The following HS3ST4 variants were observed in gnomAD, a reference collection of about 807,000 sequenced individuals.
HS3ST4 encodes the protein heparan sulfate glucosamine 3-O-sulfotransferase 4.
In HS3ST4, 17 loss-of-function variants were observed where a neutral mutation model predicts 29.2. The observed-to-expected ratio is 0.58, with a 90% CI of 0.40 to 0.87. The LOEUF (loss-of-function observed/expected upper bound fraction) is 0.87. Ranked by LOEUF, HS3ST4 falls within the 40% of genes least tolerant of loss-of-function variation. The pLI is 0.00. For synonymous variants in HS3ST4, 314 were observed against 285.7 expected (o/e 1.10, Z -1.00); for missense variants, 627 against 634.5 (o/e 0.99, Z 0.13).
At chr16:26,048,141 C>T (rs1321801918) in intron 1 of HS3ST4, among the ~76,000 whole-genome samples, 1 of 152,210 alleles carries the variant, frequency 6.6e-6, no homozygotes, top group African/African-American at 2.4e-5. Context: ...GTGTCTTCAT[C>T]TCCTCTTCTG....
intron 1 of HS3ST4, among the ~76,000 whole-genome samples, chr16:25,786,572 A>G (rs1049045132): frequency 1.4e-4 from 22 of 152,154 alleles, no homozygotes; most frequent in African/African-American, 5.1e-4. Flanking sequence ...TTACCCTTTC[A>G]CTATATCCCA....
intron 1 of HS3ST4, among the ~76,000 whole-genome samples, chr16:25,999,311 A>G (rs1969184484): frequency 6.6e-6 from 1 of 152,106 alleles, no homozygotes; most frequent in Non-Finnish European, 1.5e-5. Context: ...TGACTTGAGA[A>G]TGGGGTGGGT....
intron 1 of HS3ST4, among the ~76,000 whole-genome samples, chr16:26,110,294 C>T (rs1567314302): frequency 1.3e-5 from 2 of 152,070 alleles, no homozygotes; most frequent in Non-Finnish European, 2.9e-5. Context: ...ACATACATCA[C>T]ATTTTCTTTA....
chr16:26,054,558 A>G (rs927425327), intron 1 of HS3ST4, among the ~76,000 whole-genome samples: 4 of 152,182 alleles, frequency 2.6e-5, no homozygotes, highest in South Asian at 2.1e-4. Flanking sequence ...TTTGAGAACA[A>G]TTGGTCCGAA....
intron 1 of HS3ST4, among the ~76,000 whole-genome samples, chr16:25,777,412 AGTGTGTGTGTGT>A (rs56191219): frequency 1.6e-4 from 23 of 147,986 alleles, no homozygotes; most frequent in African/African-American, 2.2e-4. Context: ...AGCACACCAA[AGTGTGTGTGTGT>A]GTGTGTGTGT....
intron 1 of HS3ST4, among the ~76,000 whole-genome samples, chr16:25,783,337 T>TA (rs1261637364): frequency 2.0e-5 from 3 of 152,222 alleles, no homozygotes; most frequent in African/African-American, 7.2e-5. Context: ...CCCATATCTC[T>TA]AGTTTTTGCA....
chr16:25,809,886 G>C (rs1967025132), intron 1 of HS3ST4, among the ~76,000 whole-genome samples: 1 of 151,836 alleles, frequency 6.6e-6, no homozygotes, highest in African/African-American at 2.4e-5. Context: ...TTATTTTGTA[G>C]GTTTTGCTAT....
chr16:25,909,117 C>T (rs1454314412), intron 1 of HS3ST4, among the ~76,000 whole-genome samples: 1 of 152,198 alleles, frequency 6.6e-6, no homozygotes, highest in Non-Finnish European at 1.5e-5. Flanking sequence ...CACTAGTCGC[C>T]TAGGGATGTT....
At chr16:25,998,455 T>C (rs1969176233) in intron 1 of HS3ST4, among the ~76,000 whole-genome samples, 1 of 152,216 alleles carries the variant, frequency 6.6e-6, no homozygotes, top group Non-Finnish European at 1.5e-5. Flanking sequence ...AGTTAGTCGT[T>C]GAATAGCTGT....
At chr16:25,971,311 G>A (rs1968894800) in intron 1 of HS3ST4, among the ~76,000 whole-genome samples, 1 of 152,202 alleles carries the variant, frequency 6.6e-6, no homozygotes, top group Admixed American at 6.5e-5. Flanking sequence ...TCTGATGGAA[G>A]CCTGCTTCAA....
intron 1 of HS3ST4, among the ~76,000 whole-genome samples, chr16:25,852,789 TC>T (rs1248961866): frequency 6.6e-6 from 1 of 152,192 alleles, no homozygotes; most frequent in African/African-American, 2.4e-5. Flanking sequence ...ATTTCATCAT[TC>T]TAAGATTATA....
At chr16:25,699,759 G>C (rs1296273070) in intron 1 of HS3ST4, among the ~76,000 whole-genome samples, 1 of 152,238 alleles carries the variant, frequency 6.6e-6, no homozygotes, top group Non-Finnish European at 1.5e-5. Context: ...TGTTTTGTAT[G>C]TCTGAGCCAG....
intron 1 of HS3ST4, among the ~76,000 whole-genome samples, chr16:25,762,278 A>G (rs1003545193): frequency 2.0e-5 from 3 of 152,184 alleles, no homozygotes; most frequent in African/African-American, 7.2e-5. Flanking sequence ...ACACCCAGGT[A>G]CTTGGGAGAG....
At chr16:25,730,201 T>G (rs1253449511) in intron 1 of HS3ST4, among the ~76,000 whole-genome samples, 2 of 152,172 alleles carry the variant, frequency 1.3e-5, no homozygotes, top group African/African-American at 2.4e-5. Context: ...TTTTTATCTA[T>G]TTTTGGTGTT....
At chr16:26,064,024 C>T (rs1208412760) in intron 1 of HS3ST4, among the ~76,000 whole-genome samples, 1 of 152,056 alleles carries the variant, frequency 6.6e-6, no homozygotes, top group Non-Finnish European at 1.5e-5. Flanking sequence ...CTTAGGGAGT[C>T]GATTAGGTTT....
At chr16:25,834,821 C>T (rs1245016271) in intron 1 of HS3ST4, among the ~76,000 whole-genome samples, 3 of 152,092 alleles carry the variant, frequency 2.0e-5, no homozygotes, top group Non-Finnish European at 4.4e-5. Context: ...GGGGCACGTG[C>T]CTGTAATCAC....
intron 1 of HS3ST4, among the ~76,000 whole-genome samples, chr16:25,746,937 C>T (rs1027981871): frequency 6.6e-6 from 1 of 152,180 alleles, no homozygotes; most frequent in Non-Finnish European, 1.5e-5. Context: ...AAGCCTGGAA[C>T]TCCAGGGCTC....
At chr16:25,958,090 A>C (rs1968755076) in intron 1 of HS3ST4, among the ~76,000 whole-genome samples, 1 of 152,166 alleles carries the variant, frequency 6.6e-6, no homozygotes, top group African/African-American at 2.4e-5. Flanking sequence ...TGTGCCAACC[A>C]CTGTTCTAGA....
At chr16:25,744,539 G>C (rs972595560) in intron 1 of HS3ST4, among the ~76,000 whole-genome samples, 13 of 145,556 alleles carry the variant, frequency 8.9e-5, no homozygotes, top group African/African-American at 2.4e-4. Flanking sequence ...GTGTAACATG[G>C]TCTGTCATTT....
Sources: allele counts gnomAD v4.1 joint callset (sites outside exome capture counted in the v4.1 genomes callset), GRCh38; gene constraint gnomAD v4.1.1; transcripts MANE v1.5; gene names NCBI Gene and HGNC (gene_info 2026-07-23, HGNC 2026-07-21).